The following GABRG2 variants were observed in gnomAD, a reference collection of about 807,000 sequenced individuals.
GABRG2 encodes the protein gamma-aminobutyric acid receptor subunit gamma-2.
In GABRG2, 16 loss-of-function variants were observed where a neutral mutation model predicts 56.4. The ratio of observed to expected loss-of-function variants is 0.28; its 90% CI spans 0.19 to 0.43. The LOEUF is 0.43. Ranked by LOEUF, GABRG2 falls within the 20% of genes least tolerant of loss-of-function variation. GABRG2 has a pLI of 1.00. For missense variants in GABRG2, 327 were observed against 582.7 expected, an observed-to-expected ratio of 0.56 and a Z score of 4.52; for synonymous variants, 208 against 205.5, an observed-to-expected ratio of 1.01 and a Z score of -0.10.
chr5:162,128,126 C>T (rs1328137540), intron 6 of GABRG2, among the ~76,000 whole-genome samples: 36 of 152,010 alleles, frequency 2.4e-4, no homozygotes, highest in Non-Finnish European at 2.9e-5. Flanking sequence ...CTCCTCTTTT[C>T]TTTTACCTGC....
chr5:162,081,507 A>G (rs1030675240), intron 1 of GABRG2, among the ~76,000 whole-genome samples: 1 of 151,992 alleles, frequency 6.6e-6, no homozygotes, highest in South Asian at 2.1e-4. Context: ...AACAACAACT[A>G]CAAAATCCTT....
At chr5:162,086,236 T>C (rs1760098998) in intron 1 of GABRG2, among the ~76,000 whole-genome samples, 1 of 152,040 alleles carries the variant, frequency 6.6e-6, no homozygotes, top group African/African-American at 2.4e-5. Flanking sequence ...AGTGAGCCAC[T>C]TACTAAGTTA....
In GABRG2 at chr5:162,105,478, GGAGTGCAGTGGCGA is replaced by G. The variant is rs2113380236; in HGVS notation, c.769+1455_769+1468del. 1.6e-5 allele frequency among the ~76,000 whole-genome samples: 2 copies of G among 122,272 alleles called. 1 individual carries two copies. The highest frequency in any genetic ancestry group is 5.1e-4 in the South Asian group (2 of 3,886). 80.2% of individuals were successfully genotyped at this position (122,272 alleles called of 152,430 possible). ...GGAGTCTCGCTCTGTCTCCCAGGCT[GGAGTGCAGTGGCGA>G]GATCTCTGCTCACTGCAAGCTCTGC... On this transcript the variant is annotated intron_variant, in intron 6 of 9. Transcript: ENST00000639213.
Position 162,149,279 on chromosome 5 carries a change from C to A in GABRG2, c.1094C>A (p.Pro365Gln), listed in dbSNP as rs1765187494. 1.2e-6 allele frequency: 2 copies of A among 1,614,120 alleles called. No individual in the cohort carries two copies. Among genetic ancestry groups the A allele is most frequent in the East Asian group, 4.5e-5 (2 of 44,874 alleles). ...CATTATTTTGTCAGCAACCGGAAAC[C>A]AAGCAAGGACAAAGATAAAAAGAAG... ...TLHYFVSNRKPSKDKDKKKKN... is the reference protein window; with the variant it reads ...TLHYFVSNRKQSKDKDKKKKN... Residue 365 changes from proline (P) to glutamine (Q), a missense_variant, in exon 8 of 10, where the codon CCA (proline) becomes CAA (glutamine). Pro to Gln is a moderately conservative substitution (Grantham distance 76). Transcript: ENST00000639213.
Position 162,155,083 on chromosome 5 carries a change from GAA to G in GABRG2, c.*1716_*1717del. ...CAGATAACCTAAAAAGAATAGAAAA[GAA>G]GAGAGAGTGGCTTTGTCAGTATAAA... On this transcript the variant is annotated 3_prime_UTR_variant, in exon 10 of 10. Coordinates refer to ENST00000639213, the MANE Select transcript of GABRG2 (RefSeq NM_198904.4). 6.6e-6 allele frequency: 1 copy of G among 152,588 alleles called. No individual in the cohort carries two copies. Among genetic ancestry groups the G allele is most frequent in the East Asian group, 1.9e-4 (1 of 5,176 alleles). 9.5% of individuals were successfully genotyped at this position (152,588 alleles called of 1,614,324 possible).
intron 1 of GABRG2, among the ~76,000 whole-genome samples, chr5:162,084,770 T>G (rs1015086675): frequency 6.6e-6 from 1 of 151,952 alleles, no homozygotes; most frequent in East Asian, 1.9e-4. Flanking sequence ...AATTACGTCC[T>G]TCTCTTTTAT....
intron 6 of GABRG2, among the ~76,000 whole-genome samples, chr5:162,133,542 T>A (rs1326482003): frequency 6.6e-6 from 1 of 152,148 alleles, no homozygotes; most frequent in Non-Finnish European, 1.5e-5. Flanking sequence ...TGGATCAAAG[T>A]AGCAAATGTA....
chr5:162,137,961 C>T (rs747409704), intron 6 of GABRG2, among the ~76,000 whole-genome samples: 4 of 151,144 alleles, frequency 2.6e-5, no homozygotes, highest in African/African-American at 4.9e-5. Context: ...ATTTTCACTA[C>T]GTTGCCCAGG....
chr5:162,079,452 A>G (rs1759471203), intron 1 of GABRG2, among the ~76,000 whole-genome samples: 1 of 152,174 alleles, frequency 6.6e-6, no homozygotes, highest in African/African-American at 2.4e-5. Context: ...GACCTACACT[A>G]TATTATACTC....
At chr5:162,114,330 C>T (rs888726545) in intron 6 of GABRG2, among the ~76,000 whole-genome samples, 4 of 151,690 alleles carry the variant, frequency 2.6e-5, no homozygotes, top group Admixed American at 1.3e-4. Flanking sequence ...GTAGGTGTAT[C>T]GCTATAAAAA....
chr5:162,102,381 A>T, intron 5 of GABRG2: 2 of 400,232 alleles, frequency 5.0e-6, no homozygotes, highest in Admixed American at 5.2e-5. Context: ...AAAATTCAAG[A>T]ACTGTTGATT....
Position 162,153,189 on chromosome 5 carries a change from C to T in GABRG2, c.1249C>T (p.Leu417=). ...AGATGAAGAGTACGGCTATGAGTGT[C>T]TGGACGGCAAGGACTGTGCCAGTTT... ...ERDEEYGYEC[L]DGKDCASFFC... Residue 417 remains leucine (L), a synonymous_variant, in exon 10 of 10, where the codon CTG becomes TTG. Coordinates refer to ENST00000639213, the MANE Select transcript of GABRG2 (RefSeq NM_198904.4). 1 of 1,614,058 alleles carries T rather than the reference C, an allele frequency of 6.2e-7. No homozygotes were observed. Among genetic ancestry groups the T allele is most frequent in the Middle Eastern group, 1.6e-4 (1 of 6,062 alleles).
intron 1 of GABRG2, among the ~76,000 whole-genome samples, chr5:162,077,686 T>G (rs1272343529): frequency 1.3e-5 from 2 of 152,168 alleles, no homozygotes; most frequent in African/African-American, 4.8e-5. Context: ...ACACGTCTTA[T>G]TTTGCAGTGT....
intron 6 of GABRG2, among the ~76,000 whole-genome samples, chr5:162,135,948 T>C (rs1355298117): frequency 6.6e-6 from 1 of 152,174 alleles, no homozygotes; most frequent in East Asian, 1.9e-4. Context: ...TAGTGTGACC[T>C]GATATCAATG....
At chr5:162,078,473 C>G (rs1349830976) in intron 1 of GABRG2, among the ~76,000 whole-genome samples, 1 of 122,798 alleles carries the variant, frequency 8.1e-6, no homozygotes, top group Non-Finnish European at 1.6e-5. Context: ...GTGGCTTGAT[C>G]TCCGCTCACT....
Position 162,095,575 on chromosome 5 carries a change from A to G in GABRG2, c.327+13A>G. ...CGCTATCAATATGGTGAGTTTCCAA[A>G]TAAAATTCTTTGTCTGTTTTATTAG... On this transcript the variant is annotated intron_variant, in intron 3 of 9. Transcript: ENST00000639213. 1 of 1,569,352 alleles carries G rather than the reference A, an allele frequency of 6.4e-7. No individual in the cohort carries two copies.
At chr5:162,089,191 C>T (rs1760369053) in intron 1 of GABRG2, among the ~76,000 whole-genome samples, 2 of 151,950 alleles carry the variant, frequency 1.3e-5, no homozygotes, top group South Asian at 4.1e-4. Context: ...GCAGAAAGGA[C>T]AGTTACATGC....
chr5:162,085,002 A>G (rs1006271485), intron 1 of GABRG2, among the ~76,000 whole-genome samples: 2 of 151,888 alleles, frequency 1.3e-5, no homozygotes, highest in Non-Finnish European at 2.9e-5. Context: ...TTATGAACCC[A>G]CTTCAGGTTA....
chr5:162,119,166 C>A (rs973181989), intron 6 of GABRG2, among the ~76,000 whole-genome samples: 2 of 152,004 alleles, frequency 1.3e-5, no homozygotes, highest in Admixed American at 1.3e-4. Context: ...GAGAATTATC[C>A]TTTCATATTA....
Sources: gnomAD v4.1 joint callset for allele counts (sites outside exome capture counted in the v4.1 genomes callset) on GRCh38, gnomAD v4.1.1 for gene constraint, MANE v1.5 for transcripts, NCBI Gene and HGNC (gene_info 2026-07-23, HGNC 2026-07-21) for gene names.